Variants in MASP2 observed in about 807,000 individuals in gnomAD.
The protein encoded by MASP2 is MBL associated serine protease 2, also known as mannan-binding lectin serine protease 2.
MASP2 carries 49 observed loss-of-function variants against 57.1 expected under a neutral mutation model. The observed-to-expected ratio is 0.86, with a 90% confidence interval of 0.68 to 1.09. The LOEUF is 1.09. Among genes scored for constraint, MASP2 ranks in the 50% least tolerant of loss-of-function variants. The pLI is 0.00. For missense variants in MASP2, 900 were observed against 874.8 expected (o/e 1.03, Z -0.36); for synonymous variants, 379 against 340.8 (o/e 1.11, Z -1.24).
At chr1:11,044,777 CCAGAGA>C in intron 4 of MASP2, 1 of 1,402,710 alleles carries the variant, frequency 7.1e-7, no homozygotes, top group Non-Finnish European at 9.5e-7. Flanking sequence ...CCCTCCCACC[CCAGAGA>C]CACGTGGCAG....
intron 10 of MASP2, 53 bp from the exon 11 acceptor site, chr1:11,027,701 T>G: frequency 1.3e-6 from 2 of 1,520,170 alleles, no homozygotes; most frequent in Non-Finnish European, 1.8e-6. Context: ...TCAATCGTGT[T>G]TTTCTTAAAT....
chr1:11,030,387 A>G, intron 9 of MASP2, 137 bp from the exon 10 acceptor site: 1 of 632,606 alleles, frequency 1.6e-6, no homozygotes, highest in Non-Finnish European at 2.7e-6. Context: ...ATTTTACATG[A>G]TTTCATAAAT....
intron 6 of MASP2, among the ~76,000 whole-genome samples, chr1:11,040,722 T>C (rs1417564160): frequency 2.4e-5 from 3 of 124,276 alleles, no homozygotes; most frequent in African/African-American, 9.2e-5. Flanking sequence ...TGGATGGATG[T>C]GTAGGTAGAA....
At position 11,045,471 on chromosome 1, in the gene MASP2, C is replaced by A. The variant is rs768447681; in HGVS notation, c.481G>T (p.Gly161Cys). Residue 161 changes from glycine (G) to cysteine (C), a missense_variant, in exon 4 of 11, where the codon GGC becomes TGC. Physicochemically the swap from Gly to Cys is radical, Grantham distance 159. Coordinates refer to ENST00000400897, the MANE Select transcript of MASP2 (RefSeq NM_006610.4). Reference sequence around the variant, plus strand: ...GCGCGGCAGGAGCAGTAGAAACCGCCCAGGTGGTTGTGGCAGTGGTGGTCG... The same window carrying A: ...GCGCGGCAGGAGCAGTAGAAACCGCACAGGTGGTTGTGGCAGTGGTGGTCG... ...TCDHHCHNHLGGFYCSCRAGY... is the reference protein window; with the variant it reads ...TCDHHCHNHLCGFYCSCRAGY... The A allele has an allele frequency of 1.2e-6, 2 of 1,613,114 alleles. No homozygotes were observed. Among genetic ancestry groups the A allele is most frequent in the Non-Finnish European group, 1.7e-6 (2 of 1,179,988 alleles).
intron 6 of MASP2, among the ~76,000 whole-genome samples, chr1:11,039,865 A>AGGAC (rs1553161554): frequency 8.0e-6 from 1 of 125,006 alleles, no homozygotes; most frequent in Admixed American, 8.1e-5. Flanking sequence ...GGTGGATAGA[A>AGGAC]GGATGGATGG....
intron 8 of MASP2, among the ~76,000 whole-genome samples, chr1:11,033,909 T>A (rs1270342881): frequency 1.4e-5 from 2 of 141,630 alleles, no homozygotes; most frequent in Non-Finnish European, 3.1e-5. Flanking sequence ...CCAGCCTGGG[T>A]GACAGAGTGA....
chr1:11,030,239 A>T lies in MASP2; in HGVS notation c.1234T>A (p.Cys412Ser), dbSNP rs1211890694. 1.2e-6 allele frequency: 2 copies of T among 1,613,132 alleles called. No homozygotes were observed. Among genetic ancestry groups the T allele is most frequent in the Admixed American group, 3.3e-5 (2 of 59,808 alleles). Residue 412 changes from cysteine (C) to serine (S), a missense_variant, in exon 10 of 11, where the codon TGT becomes AGT. Cys to Ser is a moderately radical substitution (Grantham distance 112). Transcript: ENST00000400897. ...CTCGTCCAGAATCCATCAGCCTCACACACATATTTACCTGCAAATCATTGG... is the reference window on the plus strand; with the variant it reads ...CTCGTCCAGAATCCATCAGCCTCACTCACATATTTACCTGCAAATCATTGG... Reference protein sequence around the residue: ...TMKVNDGKYVCEADGFWTSSK... With the variant: ...TMKVNDGKYVSEADGFWTSSK...
At position 11,029,941 on chromosome 1, in the gene MASP2, A is replaced by G. The variant is rs1643813794; in HGVS notation, c.1297+235T>C. 1.9e-5 allele frequency: 7 copies of G among 370,028 alleles called. No homozygotes were observed. In the South Asian group the frequency reaches 3.9e-4, roughly 21 times the overall value. The allele number at this position is 370,028 out of a possible 1,614,324, so 22.9% of individuals were successfully genotyped here. On this transcript the variant is annotated intron_variant, in intron 10 of 10. Transcript: ENST00000400897. ...TGGCCTAAAAATCATTTAATTTTTT[A>G]TGCTTGCCTAGTTATAAGGTCAAAG...
chr1:11,031,402 G>A (rs934594398), intron 8 of MASP2, among the ~76,000 whole-genome samples: 16 of 151,396 alleles, frequency 1.1e-4, no homozygotes, highest in East Asian at 1.9e-4. Context: ...GGTAGCGGGC[G>A]CCTGTAGTCC....
rs201990552 is a variant in MASP2, at chr1:11,034,849, G to A, written c.1066C>T (p.Arg356Trp). The A allele has an allele frequency of 1.6e-4, 257 of 1,612,360 alleles. No individual in the cohort carries two copies. The highest frequency in any genetic ancestry group is 2.1e-4 in the Non-Finnish European group (244 of 1,179,352). ...GTACTGCTGCACGCGGGCATTGGCC[G>A]GTCCCAAGATCCATCTTTCTGACAA... ...AVCQKDGSWD[R>W]PMPACSIVDC... The change falls in exon 8 of 11, where the codon CGG becomes TGG. Residue 356 changes from arginine (R) to tryptophan (W), a missense_variant. Coordinates refer to ENST00000400897, the MANE Select transcript of MASP2 (RefSeq NM_006610.4).
intron 3 of MASP2, 123 bp downstream of exon 3, chr1:11,046,433 G>C (rs1638639588): frequency 1.8e-6 from 2 of 1,112,712 alleles, no homozygotes; most frequent in Non-Finnish European, 1.3e-6. Context: ...TGTCAGGCCA[G>C]AGGCCTCTCC....
In MASP2 at chr1:11,047,105, A is replaced by G; in HGVS notation, c.20T>C (p.Leu7Pro). MRLLTLLGLLCGSVATP... is the reference protein window; with the variant it reads MRLLTLPGLLCGSVATP... ...GGCCACCGAGCCACACAGAAGGCCC[A>G]GGAGGGTCAGCAGCCTATGGGCAGG... Residue 7 changes from leucine to proline, a missense_variant, in exon 2 of 11, where the codon CTG becomes CCG. By Grantham distance (98) the Leu-to-Pro change is moderately conservative (BLOSUM62 -3). Coordinates refer to ENST00000400897, the MANE Select transcript of MASP2 (RefSeq NM_006610.4). 1 of 1,550,350 alleles carries G rather than the reference A, an allele frequency of 6.5e-7. No homozygotes were observed.
rs373246198 is a variant in MASP2 at position 11,046,677 on chromosome 1, C to T, written c.291G>A (p.Thr97=). 9 of 1,613,396 alleles carry T rather than the reference C, an allele frequency of 5.6e-6. No homozygotes were observed. In the African/African-American group the frequency reaches 6.7e-5, roughly 12 times the overall value. The change falls in exon 3 of 11, where the codon ACG becomes ACA. Residue 97 remains threonine, a synonymous_variant. Coordinates refer to ENST00000400897, the MANE Select transcript of MASP2 (RefSeq NM_006610.4). ...AAGTGTCCTTGCCAGGGGCCCGCTCCGTGTCTGTGCTCTCCTGCCCGCACA... is the reference window on the plus strand; with the variant it reads ...AAGTGTCCTTGCCAGGGGCCCGCTCTGTGTCTGTGCTCTCCTGCCCGCACA... ...ATLCGQESTD[T]ERAPGKDTFY...
chr1:11,045,856 CA>C (rs1383445602), intron 3 of MASP2: 5 of 395,614 alleles, frequency 1.3e-5, no homozygotes, highest in African/African-American at 1.0e-4. Context: ...ACCCTTGCAG[CA>C]GCTTCCTAAG....
At position 11,045,350 on chromosome 1, in the gene MASP2, T is replaced by G. The variant is rs764135949; in HGVS notation, c.544+58A>C. On this transcript the variant is annotated intron_variant, in intron 4 of 10. Coordinates refer to ENST00000400897, the MANE Select transcript of MASP2 (RefSeq NM_006610.4). ...CCCCTGGGCAGAGCAGCAATGGCCC[T>G]GAGGAGCCCCGGGTATCCCAGGAGA... 1.4e-5 allele frequency: 23 copies of G among 1,609,142 alleles called. No homozygotes were observed. In the African/African-American group the frequency reaches 2.9e-4, roughly 21 times the overall value.
chr1:11,044,533 G>A (rs376276374), intron 4 of MASP2, among the ~76,000 whole-genome samples: 1 of 152,286 alleles, frequency 6.6e-6, no homozygotes, highest in Non-Finnish European at 1.5e-5. Context: ...CTGTGGGTCA[G>A]GCTCCTCCAG....
intron 7 of MASP2, among the ~76,000 whole-genome samples, chr1:11,035,461 G>A (rs1643879938): frequency 6.6e-6 from 1 of 151,998 alleles, no homozygotes; most frequent in Admixed American, 6.6e-5. Context: ...TGTGAGGCGG[G>A]GGTTGCAGTG....
chr1:11,045,952 G>A (rs1638625274), intron 3 of MASP2: 2 of 210,072 alleles, frequency 9.5e-6, no homozygotes, highest in South Asian at 1.0e-4. Context: ...TCCTGGCAGC[G>A]CTCCCGCTGG....
intron 5 of MASP2, 69 bp from the exon 6 acceptor site, chr1:11,043,091 C>A: frequency 7.1e-6 from 11 of 1,538,838 alleles, no homozygotes; most frequent in Non-Finnish European, 8.9e-6. Context: ...GGGAAGTAAC[C>A]CACCTCCTCA....
Sources: allele counts gnomAD v4.1 joint callset (sites outside exome capture counted in the v4.1 genomes callset), GRCh38; gene constraint gnomAD v4.1.1; transcripts MANE v1.5; gene names NCBI Gene and HGNC (gene_info 2026-07-23, HGNC 2026-07-21).